The following CALN1 variants were observed in gnomAD, a reference collection of about 807,000 sequenced individuals.
The protein encoded by CALN1 is calneuron 1, also known as calcium-binding protein 8.
CALN1 carries 17 observed loss-of-function variants against 30.6 expected under a neutral mutation model. That is an observed-to-expected ratio of 0.56 (90% confidence interval 0.38 to 0.83). The LOEUF is 0.83. Ranked by LOEUF, CALN1 falls within the 40% of genes least tolerant of loss-of-function variation. CALN1 has a pLI of 0.00. For missense variants in CALN1, 291 were observed against 354.9 expected, an observed-to-expected ratio of 0.82 and a Z score of 1.45; for synonymous variants, 156 against 131.4, an observed-to-expected ratio of 1.19 and a Z score of -1.28.
chr7:72,224,085 C>T (rs992500620), intron 3 of CALN1, among the ~76,000 whole-genome samples: 1 of 151,996 alleles, frequency 6.6e-6, no homozygotes, highest in Non-Finnish European at 1.5e-5. Context: ...TCAATCGTAC[C>T]CCAATATCAC....
chr7:72,176,578 C>G (rs894064354), intron 3 of CALN1, among the ~76,000 whole-genome samples: 3 of 152,164 alleles, frequency 2.0e-5, no homozygotes, highest in African/African-American at 7.2e-5. Context: ...TCATCACCTT[C>G]CCTCCATGAC....
intron 3 of CALN1, among the ~76,000 whole-genome samples, chr7:72,261,418 T>C (rs1044923880): frequency 8.3e-5 from 10 of 121,204 alleles, no homozygotes; most frequent in Admixed American, 5.8e-4. Flanking sequence ...AAACCATTTA[T>C]TTCAGAAGCT....
chr7:72,402,410 T>G lies in CALN1; in HGVS notation c.119+841A>C, dbSNP rs533184240. On this transcript the variant is annotated intron_variant, in intron 2 of 6. Coordinates refer to ENST00000395275, the MANE Select transcript of CALN1 (RefSeq NM_031468.4). ...CTCTAAACTCACTGCCCCCACCATA[T>G]ACACTTACAGTCGCCACTGGAAGCT... Among the ~76,000 whole-genome samples, 4 of 152,280 alleles carry G rather than the reference T, an allele frequency of 2.6e-5. No individual in the cohort carries two copies. The East Asian group carries it at 7.7e-4, about 29-fold the overall frequency.
intron 2 of CALN1, among the ~76,000 whole-genome samples, chr7:72,323,971 G>C (rs10246004): frequency 0.2 from 30,298 of 151,810 alleles, 4,021 homozygotes; most frequent in East Asian, 0.4. Flanking sequence ...TTAAGCCCAG[G>C]AGGTTGAGGC....
At chr7:72,224,098 A>C (rs1322911330) in intron 3 of CALN1, among the ~76,000 whole-genome samples, 2 of 152,144 alleles carry the variant, frequency 1.3e-5, no homozygotes, top group Non-Finnish European at 2.9e-5. Context: ...AATATCACAC[A>C]ATATACCCTT....
At chr7:71,874,695 CT>C (rs750665905) in intron 5 of CALN1, among the ~76,000 whole-genome samples, 58 of 152,120 alleles carry the variant, frequency 3.8e-4, no homozygotes, top group Non-Finnish European at 7.5e-4. Context: ...TCTGGCAGAG[CT>C]TTTGCTTCTG....
intron 3 of CALN1, among the ~76,000 whole-genome samples, chr7:72,123,086 T>C (rs1268222015): frequency 6.6e-6 from 1 of 152,094 alleles, no homozygotes; most frequent in Non-Finnish European, 1.5e-5. Flanking sequence ...GTCACAGCTA[T>C]TTACCACTGT....
intron 5 of CALN1, among the ~76,000 whole-genome samples, chr7:71,950,758 A>G (rs1796648910): frequency 6.6e-6 from 1 of 152,202 alleles, no homozygotes; most frequent in Admixed American, 6.5e-5. Flanking sequence ...CCCACTGCAC[A>G]TCTGGCACCA....
At chr7:72,210,730 G>A (rs745586472) in intron 3 of CALN1, among the ~76,000 whole-genome samples, 22 of 152,106 alleles carry the variant, frequency 1.4e-4, no homozygotes, top group African/African-American at 5.3e-4. Context: ...CCTCCACCTG[G>A]TCTCTCCCTT....
intron 5 of CALN1, among the ~76,000 whole-genome samples, chr7:71,905,873 CA>C (rs1794108465): frequency 1.3e-5 from 2 of 152,076 alleles, no homozygotes; most frequent in South Asian, 4.2e-4. Context: ...CTCACAGTTC[CA>C]CATGGCTGAG....
At chr7:72,300,822 G>A (rs563048864) in intron 2 of CALN1, among the ~76,000 whole-genome samples, 9 of 152,058 alleles carry the variant, frequency 5.9e-5, no homozygotes, top group Admixed American at 2.6e-4. Context: ...GCGAAACCCC[G>A]TCTCTACCAA....
chr7:71,964,238 C>T lies in CALN1; in HGVS notation c.501+59419G>A, dbSNP rs947109378. Among the ~76,000 whole-genome samples the T allele has an allele frequency of 2.0e-5, 3 of 152,182 alleles. No homozygotes were observed. In the East Asian group the frequency reaches 5.8e-4, roughly 29 times the overall value. ...CTTCTTTGCTGCCCTGCTGCTCAAA[C>T]TCCTAAGGAAGCATGCAGACAGGCA... is the stretch of plus-strand genomic sequence containing the variant. On this transcript the variant is annotated intron_variant, in intron 5 of 6. Coordinates refer to ENST00000395275, the MANE Select transcript of CALN1 (RefSeq NM_031468.4).
intron 4 of CALN1, among the ~76,000 whole-genome samples, chr7:72,036,270 ATTCTCT>A (rs1423391640): frequency 6.6e-6 from 1 of 152,116 alleles, no homozygotes; most frequent in Non-Finnish European, 1.5e-5. Flanking sequence ...GGCTACAAAG[ATTCTCT>A]TTGTCTTTGT....
intron 3 of CALN1, among the ~76,000 whole-genome samples, chr7:72,125,565 G>A (rs1260019172): frequency 2.0e-5 from 3 of 152,128 alleles, no homozygotes; most frequent in African/African-American, 7.2e-5. Context: ...GTAGACAGCG[G>A]TACAGAATTA....
At chr7:72,285,356 G>C (rs1175918306) in intron 2 of CALN1, among the ~76,000 whole-genome samples, 3 of 152,148 alleles carry the variant, frequency 2.0e-5, no homozygotes, top group Non-Finnish European at 4.4e-5. Flanking sequence ...CCATTCTCCT[G>C]CCTCAGCCTC....
At chr7:72,349,543 C>G (rs1393279216) in intron 2 of CALN1, among the ~76,000 whole-genome samples, 4 of 151,898 alleles carry the variant, frequency 2.6e-5, no homozygotes, top group African/African-American at 4.8e-5. Flanking sequence ...AGCAGGAGAA[C>G]AAAGAGAAGA....
At chr7:72,365,326 T>G (rs1803816203) in intron 2 of CALN1, among the ~76,000 whole-genome samples, 1 of 152,040 alleles carries the variant, frequency 6.6e-6, no homozygotes, top group South Asian at 2.1e-4. Flanking sequence ...GAGCAAGACC[T>G]TGTCTCAAAA....
chr7:72,014,617 G>A (rs1272335474), intron 5 of CALN1, among the ~76,000 whole-genome samples: 2 of 152,106 alleles, frequency 1.3e-5, no homozygotes, highest in Non-Finnish European at 2.9e-5. Flanking sequence ...CTGTACCTGT[G>A]TTTTATTCTA....
At chr7:72,046,303 T>C (rs1234404990) in intron 4 of CALN1, among the ~76,000 whole-genome samples, 1 of 152,016 alleles carries the variant, frequency 6.6e-6, no homozygotes, top group Non-Finnish European at 1.5e-5. Flanking sequence ...GGCACAATCA[T>C]AGCTCACTGC....
Sources: allele counts gnomAD v4.1 joint callset (sites outside exome capture counted in the v4.1 genomes callset), GRCh38; gene constraint gnomAD v4.1.1; transcripts MANE v1.5; gene names NCBI Gene and HGNC (gene_info 2026-07-23, HGNC 2026-07-21).